The following ADAM22 variants were observed in gnomAD, a reference collection of about 807,000 sequenced individuals.
ADAM22 encodes the protein ADAM metallopeptidase domain 22.
A neutral mutation model predicts 144.6 loss-of-function variants in ADAM22; 65 were observed. The observed-to-expected ratio is 0.45, with a 90% CI of 0.37 to 0.55. The LOEUF is 0.55. Among genes scored for constraint, ADAM22 ranks in the 20% least tolerant of loss-of-function variants. The pLI, the probability that ADAM22 is intolerant of heterozygous loss-of-function variation, is 0.00. For missense variants in ADAM22, 974 were observed against 1,184.9 expected, an observed-to-expected ratio of 0.82 and a Z score of 2.61; for synonymous variants, 391 against 412.6, an observed-to-expected ratio of 0.95 and a Z score of 0.63.
chr7:88,105,781 G>A (rs2129487307), intron 4 of ADAM22, among the ~76,000 whole-genome samples: 1 of 152,284 alleles, frequency 6.6e-6, no homozygotes, highest in South Asian at 2.1e-4. Flanking sequence ...CTATGTAGAA[G>A]AGGGATAAGA....
At chr7:87,972,059 C>T (rs2129447428) in intron 2 of ADAM22, among the ~76,000 whole-genome samples, 1 of 152,220 alleles carries the variant, frequency 6.6e-6, no homozygotes, top group Non-Finnish European at 1.5e-5. Context: ...TCCTATTCAA[C>T]ATAGTGTTGG....
intron 23 of ADAM22, among the ~76,000 whole-genome samples, chr7:88,164,977 T>G (rs1284799065): frequency 6.6e-6 from 1 of 152,092 alleles, no homozygotes; most frequent in African/African-American, 2.4e-5. Context: ...TGTTAATCTG[T>G]AGCTCTGATT....
chr7:87,998,732 T>A (rs1791836228), intron 3 of ADAM22, among the ~76,000 whole-genome samples: 3 of 152,128 alleles, frequency 2.0e-5, no homozygotes, highest in Non-Finnish European at 4.4e-5. Context: ...TACCCCTGAT[T>A]CCATCTGCAA....
intron 5 of ADAM22, among the ~76,000 whole-genome samples, chr7:88,113,524 C>G (rs1051356962): frequency 5.3e-5 from 8 of 150,214 alleles, no homozygotes. Flanking sequence ...CTTCATCTCT[C>G]TTAGAGTAAA....
intron 3 of ADAM22, among the ~76,000 whole-genome samples, chr7:88,048,411 A>G (rs922771864): frequency 6.6e-6 from 1 of 152,124 alleles, no homozygotes; most frequent in Non-Finnish European, 1.5e-5. Context: ...TCCTCTATTT[A>G]TACTGCATAT....
chr7:88,193,248 A>G lies in ADAM22; in HGVS notation c.2874+9A>G. The G allele has an allele frequency of 6.2e-7, 1 of 1,613,480 alleles. No individual in the cohort carries two copies. The highest frequency in any genetic ancestry group is 1.7e-5 in the Admixed American group (1 of 59,934). On this transcript the variant is annotated intron_variant, in intron 31 of 31. Transcript: ENST00000413139. ...ACCGACAAAGTGCCAGGGTATGTGG[A>G]AACCTCTTCCATGTGCGTACATGCT... is the stretch of plus-strand genomic sequence containing the variant.
Position 88,041,429 on chromosome 7 carries a change from A to G in ADAM22, c.324-34197A>G, listed in dbSNP as rs1020187017. 4.9e-4 allele frequency among the ~76,000 whole-genome samples: 75 copies of G among 151,796 alleles called. 3 individuals are homozygous for G. Among genetic ancestry groups the G allele is most frequent in the Non-Finnish European group, 7.4e-5 (5 of 67,900 alleles). On this transcript the variant is annotated intron_variant, in intron 3 of 31. Transcript: ENST00000413139. ...AGTATGTGCATGTTTGTGGAAAACT[A>G]TACTAATTACACATCCATATATATT... is the stretch of plus-strand genomic sequence containing the variant.
At chr7:88,110,380 C>T (rs1240670811) in intron 5 of ADAM22, among the ~76,000 whole-genome samples, 2 of 151,972 alleles carry the variant, frequency 1.3e-5, no homozygotes, top group African/African-American at 2.4e-5. Context: ...AAATCTCAAT[C>T]CAAAGTCCTA....
intron 3 of ADAM22, among the ~76,000 whole-genome samples, chr7:88,021,771 T>C (rs1585066985): frequency 1.3e-5 from 2 of 152,176 alleles, no homozygotes; most frequent in Non-Finnish European, 1.5e-5. Context: ...AGTGGAGCCA[T>C]GACTTTCAGG....
chr7:87,954,371 G>C (rs912187804), intron 2 of ADAM22, among the ~76,000 whole-genome samples: 2 of 152,064 alleles, frequency 1.3e-5, no homozygotes, highest in African/African-American at 4.8e-5. Flanking sequence ...TTGCTTGTCT[G>C]TAAAGTATTT....
intron 3 of ADAM22, 107 bp from the exon 4 acceptor site, chr7:88,075,519 G>A: frequency 2.3e-6 from 2 of 867,036 alleles, no homozygotes; most frequent in Non-Finnish European, 3.8e-6. Flanking sequence ...TGTTGATTTG[G>A]GGGGCTTAAA....
chr7:88,086,134 C>T (rs1024685747), intron 4 of ADAM22, among the ~76,000 whole-genome samples: 3 of 152,066 alleles, frequency 2.0e-5, no homozygotes, highest in Non-Finnish European at 2.9e-5. Context: ...TGAGATTGCG[C>T]CACTGCACTC....
intron 3 of ADAM22, among the ~76,000 whole-genome samples, chr7:87,994,551 C>T (rs1356469514): frequency 1.3e-5 from 2 of 152,068 alleles, no homozygotes; most frequent in Non-Finnish European, 2.9e-5. Context: ...TTACTTTTTC[C>T]CTTTCTGGAT....
intron 2 of ADAM22, among the ~76,000 whole-genome samples, chr7:87,950,379 A>G (rs1322135567): frequency 6.9e-6 from 1 of 144,976 alleles, no homozygotes; most frequent in Admixed American, 7.1e-5. Context: ...ATGAGTGAGA[A>G]CATGCGGTGT....
chr7:88,024,798 A>G (rs1798631645), intron 3 of ADAM22, among the ~76,000 whole-genome samples: 1 of 148,730 alleles, frequency 6.7e-6, no homozygotes. Flanking sequence ...GAGAACATGC[A>G]GTGTTTGGTT....
At chr7:88,082,225 C>A (rs916552455) in intron 4 of ADAM22, among the ~76,000 whole-genome samples, 54 of 152,044 alleles carry the variant, frequency 3.6e-4, no homozygotes, top group Non-Finnish European at 7.1e-4. Context: ...TGAGAAAAAC[C>A]AGCAATGGGG....
intron 15 of ADAM22, among the ~76,000 whole-genome samples, chr7:88,144,719 C>T (rs898347703): frequency 3.9e-5 from 6 of 152,030 alleles, no homozygotes; most frequent in Non-Finnish European, 4.4e-5. Context: ...GTTTACCCAA[C>T]GTAAGTACTT....
intron 2 of ADAM22, among the ~76,000 whole-genome samples, chr7:87,938,207 ATTTTTT>A (rs59698275): frequency 1.2e-4 from 9 of 75,572 alleles, no homozygotes; most frequent in Non-Finnish European, 2.2e-4. Flanking sequence ...ATACCCATAG[ATTTTTT>A]TTTTTTTTTT....
intron 3 of ADAM22, among the ~76,000 whole-genome samples, chr7:88,031,657 C>A (rs910416073): frequency 1.3e-5 from 2 of 152,196 alleles, no homozygotes; most frequent in African/African-American, 4.8e-5. Flanking sequence ...ATTATCTGAA[C>A]CTGGAACTTA....
Sources: gnomAD v4.1 joint callset for allele counts (sites outside exome capture counted in the v4.1 genomes callset) on GRCh38, gnomAD v4.1.1 for gene constraint, MANE v1.5 for transcripts, NCBI Gene and HGNC (gene_info 2026-07-23, HGNC 2026-07-21) for gene names.